Variants in NCOA7 observed in about 807,000 individuals in gnomAD.
NCOA7 encodes 140 kDa estrogen receptor-associated protein.
Under a neutral mutation model 104.3 loss-of-function variants are expected in NCOA7, and 45 were observed. That is an observed-to-expected ratio of 0.43 (90% CI 0.34 to 0.55). The LOEUF (loss-of-function observed/expected upper bound fraction) is 0.55. Ranked by LOEUF, NCOA7 falls within the 20% of genes least tolerant of loss-of-function variation. The pLI, the probability that NCOA7 is intolerant of heterozygous loss-of-function variation, is 0.02. For missense variants in NCOA7, 1,041 were observed against 1,119.7 expected (o/e 0.93, Z 1.00); for synonymous variants, 398 against 402.3 (o/e 0.99, Z 0.13).
rs145991539 is a variant in NCOA7, at chr6:125,900,385, A to C, written c.2096+9575A>C. Among the ~76,000 whole-genome samples, 1,143 of 152,250 alleles carry C rather than the reference A, an allele frequency of 7.5e-3. 19 individuals carry two copies. Among genetic ancestry groups the C allele is most frequent in the African/African-American group, 0.026 (1,070 of 41,536 alleles). ...GGCATTGATATTAATATAAACTTTT[A>C]CGTTTTTATTCATTTTCAAGTAATC... On this transcript the variant is annotated intron_variant, in intron 10 of 15. Transcript: ENST00000392477.
intron 3 of NCOA7, among the ~76,000 whole-genome samples, chr6:125,873,382 TG>T (rs1439102680): frequency 6.6e-6 from 1 of 152,242 alleles, no homozygotes; most frequent in East Asian, 1.9e-4. Context: ...ATTATTTATG[TG>T]TTTTTTTTAG....
chr6:125,856,510 GC>G (rs1400794278), intron 3 of NCOA7, among the ~76,000 whole-genome samples: 1 of 151,940 alleles, frequency 6.6e-6, no homozygotes, highest in Non-Finnish European at 1.5e-5. Flanking sequence ...CCGCCACCAC[GC>G]CCGGCTAATT....
chr6:125,885,539 T>A (rs1784187107), intron 8 of NCOA7, among the ~76,000 whole-genome samples, 196 bp downstream of exon 8: 1 of 152,168 alleles, frequency 6.6e-6, no homozygotes, highest in South Asian at 2.1e-4. Flanking sequence ...GTTGAACATA[T>A]AAAGATTAAA....
chr6:125,798,345 G>A (rs973204255), intron 1 of NCOA7, among the ~76,000 whole-genome samples: 3 of 152,210 alleles, frequency 2.0e-5, no homozygotes, highest in African/African-American at 7.2e-5. Context: ...CACACTTTGA[G>A]TTTTCTCATC....
chr6:125,891,793 G>A (rs1360817166), intron 10 of NCOA7, among the ~76,000 whole-genome samples: 1 of 152,056 alleles, frequency 6.6e-6, no homozygotes, highest in Non-Finnish European at 1.5e-5. Context: ...TAATGAATTT[G>A]CTAATAGCTT....
intron 2 of NCOA7, among the ~76,000 whole-genome samples, chr6:125,840,863 G>T (rs1251423800): frequency 2.7e-5 from 2 of 73,646 alleles, no homozygotes; most frequent in African/African-American, 1.2e-4. Context: ...TTTTTTGTTT[G>T]GTTGGTTTTT....
chr6:125,885,471 C>A, intron 8 of NCOA7, 128 bp downstream of exon 8: 2 of 777,388 alleles, frequency 2.6e-6, no homozygotes, highest in Non-Finnish European at 4.0e-6. Context: ...GACTTGTGCA[C>A]TGAAGAAAAT....
chr6:125,883,655 A>G (rs943602337), intron 7 of NCOA7, among the ~76,000 whole-genome samples: 10 of 149,872 alleles, frequency 6.7e-5, no homozygotes, highest in Admixed American at 1.3e-4. Context: ...AACTGTAAGT[A>G]TATGTCCTTT....
intron 10 of NCOA7, chr6:125,900,032 A>G: frequency 1.9e-6 from 1 of 533,244 alleles, no homozygotes; most frequent in South Asian, 1.4e-5. Flanking sequence ...GTAAGTATGC[A>G]GAAACAGTAA....
chr6:125,922,058 G>A (rs1478857179), intron 12 of NCOA7, among the ~76,000 whole-genome samples: 1 of 152,152 alleles, frequency 6.6e-6, no homozygotes, highest in Non-Finnish European at 1.5e-5. Context: ...TAGAGTGTGG[G>A]ATTCACACTG....
At chr6:125,875,019 A>G in intron 4 of NCOA7, 51 bp downstream of exon 4, 1 of 1,377,608 alleles carries the variant, frequency 7.3e-7, no homozygotes, top group Non-Finnish European at 1.0e-6. Context: ...CTACATTTAT[A>G]TAATGGTTTT....
chr6:125,797,035 C>T (rs1483898823), intron 1 of NCOA7, among the ~76,000 whole-genome samples: 1 of 152,160 alleles, frequency 6.6e-6, no homozygotes, highest in Non-Finnish European at 1.5e-5. Context: ...TTAAAAATAG[C>T]TTTGGTATTT....
intron 2 of NCOA7, among the ~76,000 whole-genome samples, chr6:125,830,329 A>T (rs1451885187): frequency 6.6e-6 from 1 of 152,088 alleles, no homozygotes; most frequent in East Asian, 1.9e-4. Flanking sequence ...AAGTTTCTAA[A>T]TCTCTCCACC....
intron 2 of NCOA7, among the ~76,000 whole-genome samples, chr6:125,822,062 G>A (rs1778238472): frequency 6.6e-6 from 1 of 152,192 alleles, no homozygotes; most frequent in East Asian, 1.9e-4. Context: ...CCACGTGGGT[G>A]GAGTGGTGTG....
chr6:125,868,300 A>G (rs548371572), intron 3 of NCOA7, among the ~76,000 whole-genome samples: 1 of 152,328 alleles, frequency 6.6e-6, no homozygotes, highest in South Asian at 2.1e-4. Context: ...CTCATGGTTT[A>G]TAATTGTTTT....
At chr6:125,854,974 C>A in intron 2 of NCOA7, 46 bp from the exon 3 acceptor site, 3 of 1,306,234 alleles carry the variant, frequency 2.3e-6, no homozygotes, top group Non-Finnish European at 3.2e-6. Flanking sequence ...TTTCTACCAG[C>A]AAATCATCTC....
At chr6:125,897,473 G>T (rs1258341891) in intron 10 of NCOA7, among the ~76,000 whole-genome samples, 1 of 152,102 alleles carries the variant, frequency 6.6e-6, no homozygotes, top group African/African-American at 2.4e-5. Flanking sequence ...CTTCTTTAAG[G>T]ATTTCTTAGT....
Position 125,856,145 on chromosome 6 carries a change from G to A in NCOA7, c.271+905G>A, listed in dbSNP as rs72499757. Among the ~76,000 whole-genome samples the A allele has an allele frequency of 5.3e-5, 8 of 152,084 alleles. No homozygotes were observed. The East Asian group carries it at 7.7e-4, about 15-fold the overall frequency. ...AGGGTACCAGGAATCAGAACTTGGC[G>A]TGGCATACAGGTTATGGCATACTTG... On this transcript the variant is annotated intron_variant, in intron 3 of 15. Transcript: ENST00000392477.
At chr6:125,819,896 C>G (rs141314134) in intron 2 of NCOA7, among the ~76,000 whole-genome samples, 322 of 152,268 alleles carry the variant, frequency 2.1e-3, no homozygotes, top group African/African-American at 6.9e-3. Flanking sequence ...TTTTCAGGAT[C>G]AAGCGTTGAT....
Sources: gnomAD v4.1 joint callset for allele counts (sites outside exome capture counted in the v4.1 genomes callset) on GRCh38, gnomAD v4.1.1 for gene constraint, MANE v1.5 for transcripts, NCBI Gene and HGNC (gene_info 2026-07-23, HGNC 2026-07-21) for gene names.